The following AGBL4 variants were observed in gnomAD, a reference collection of about 807,000 sequenced individuals.
AGBL4 encodes the protein cytosolic carboxypeptidase 6.
Under a neutral mutation model 66.4 loss-of-function variants are expected in AGBL4, and 58 were observed. That is an observed-to-expected ratio of 0.87 (90% CI 0.71 to 1.09). AGBL4 has a LOEUF of 1.09. Ranked by LOEUF, AGBL4 falls within the 50% of genes least tolerant of loss-of-function variation. The probability of loss-of-function intolerance (pLI) is 0.00; values close to 1 mark genes in which losing one functional copy is unlikely to be tolerated. For synonymous variants in AGBL4, 234 were observed against 222.9 expected (o/e 1.05, Z -0.44); for missense variants, 579 against 631.0 (o/e 0.92, Z 0.88).
At chr1:49,634,852 G>A (rs866137520) in intron 3 of AGBL4, among the ~76,000 whole-genome samples, 1 of 152,156 alleles carries the variant, frequency 6.6e-6, no homozygotes, top group Non-Finnish European at 1.5e-5. Context: ...GCAGTCCAAT[G>A]TTCCTACTGC....
intron 1 of AGBL4, among the ~76,000 whole-genome samples, chr1:49,928,636 G>C (rs1653031192): frequency 6.6e-6 from 1 of 152,128 alleles, no homozygotes; most frequent in Non-Finnish European, 1.5e-5. Flanking sequence ...TACCATATTT[G>C]ATGAAAACTA....
chr1:49,134,610 C>T (rs1645971680), intron 4 of AGBL4, among the ~76,000 whole-genome samples: 1 of 151,772 alleles, frequency 6.6e-6, no homozygotes, highest in African/African-American at 2.4e-5. Context: ...TCTGTCCTGC[C>T]TGGCTCCCAG....
intron 3 of AGBL4, among the ~76,000 whole-genome samples, chr1:49,340,368 T>C (rs1211916571): frequency 6.6e-6 from 1 of 152,180 alleles, no homozygotes. Context: ...ATAGCCCTTT[T>C]CCTTCACTAT....
At chr1:48,976,808 T>C (rs1188132990) in intron 5 of AGBL4, among the ~76,000 whole-genome samples, 1 of 152,070 alleles carries the variant, frequency 6.6e-6, no homozygotes, top group Non-Finnish European at 1.5e-5. Context: ...AACTCCAATA[T>C]CCCCTACTTT....
chr1:49,792,178 G>C (rs957614457), intron 2 of AGBL4, among the ~76,000 whole-genome samples: 7 of 152,018 alleles, frequency 4.6e-5, no homozygotes, highest in African/African-American at 9.7e-5. Flanking sequence ...TATAGTTTGA[G>C]AGAATTCCCA....
At chr1:49,141,625 G>C (rs1219703615) in intron 4 of AGBL4, among the ~76,000 whole-genome samples, 6 of 152,172 alleles carry the variant, frequency 3.9e-5, no homozygotes, top group Non-Finnish European at 7.3e-5. Flanking sequence ...GAAGAGGCTA[G>C]TGTGGCTAGA....
At chr1:49,091,557 G>C (rs1192423064) in intron 4 of AGBL4, among the ~76,000 whole-genome samples, 3 of 152,016 alleles carry the variant, frequency 2.0e-5, no homozygotes, top group African/African-American at 7.2e-5. Context: ...TGCAGAGAAA[G>C]GGAAATCCTT....
intron 3 of AGBL4, among the ~76,000 whole-genome samples, chr1:49,476,844 G>A (rs1399788064): frequency 6.6e-6 from 1 of 152,042 alleles, no homozygotes; most frequent in Non-Finnish European, 1.5e-5. Flanking sequence ...ACACTGAAAG[G>A]TGAATCCCAG....
At chr1:48,809,536 C>T (rs1207171181) in intron 6 of AGBL4, among the ~76,000 whole-genome samples, 2 of 152,138 alleles carry the variant, frequency 1.3e-5, no homozygotes, top group African/African-American at 4.8e-5. Context: ...CCTTTCTGAG[C>T]TTACATACAA....
At chr1:49,253,046 C>A (rs1652194262) in intron 3 of AGBL4, among the ~76,000 whole-genome samples, 1 of 152,072 alleles carries the variant, frequency 6.6e-6, no homozygotes, top group African/African-American at 2.4e-5. Flanking sequence ...GGATCAAATC[C>A]ACACATATCA....
At chr1:49,763,043 T>C (rs2147866047) in intron 2 of AGBL4, among the ~76,000 whole-genome samples, 1 of 152,330 alleles carries the variant, frequency 6.6e-6, no homozygotes, top group South Asian at 2.1e-4. Context: ...TTTAATCCAT[T>C]TTGATTTGAT....
rs530621763 is a variant in AGBL4 at position 48,560,091 on chromosome 1, C to T, written c.1268-20353G>A. Among the ~76,000 whole-genome samples, 10 of 152,318 alleles carry T rather than the reference C, an allele frequency of 6.6e-5. No homozygotes were observed. In the South Asian group the frequency reaches 2.1e-3, roughly 32 times the overall value. ...TGAAACTTGTCCCTAGGACCCCTAT[C>T]CCCTCCTCTGAACTCGGAACCTCTT... On this transcript the variant is annotated intron_variant, in intron 11 of 13. Coordinates refer to ENST00000371839, the MANE Select transcript of AGBL4 (RefSeq NM_032785.4).
intron 2 of AGBL4, among the ~76,000 whole-genome samples, chr1:49,774,967 T>A (rs1284056220): frequency 6.6e-6 from 1 of 152,070 alleles, no homozygotes; most frequent in Non-Finnish European, 1.5e-5. Flanking sequence ...AAATTAGAAA[T>A]AACCTAAATG....
At chr1:48,882,160 T>A (rs1649855787) in intron 5 of AGBL4, among the ~76,000 whole-genome samples, 1 of 152,146 alleles carries the variant, frequency 6.6e-6, no homozygotes, top group Admixed American at 6.5e-5. Context: ...TACTACTCAG[T>A]CTTTATGTCA....
intron 5 of AGBL4, among the ~76,000 whole-genome samples, chr1:48,962,584 G>A (rs543979520): frequency 6.6e-6 from 1 of 152,186 alleles, no homozygotes; most frequent in East Asian, 1.9e-4. Flanking sequence ...AGTTCTTTGG[G>A]ACCTGGGGTC....
chr1:49,948,118 G>GTAAATATATA (rs1324543032), intron 1 of AGBL4, among the ~76,000 whole-genome samples: 4 of 76,366 alleles, frequency 5.2e-5, no homozygotes, highest in Admixed American at 2.2e-4. Context: ...GTAAATGTAT[G>GTAAATATATA]TAAATATATA....
At chr1:48,801,146 G>A (rs1645797089) in intron 6 of AGBL4, among the ~76,000 whole-genome samples, 1 of 152,170 alleles carries the variant, frequency 6.6e-6, no homozygotes, top group East Asian at 1.9e-4. Flanking sequence ...CAGCCAGCAA[G>A]GCCAATCTGA....
intron 3 of AGBL4, among the ~76,000 whole-genome samples, chr1:49,372,619 CTTTCTTTCTTTCTT>C: frequency 1.8e-5 from 1 of 56,972 alleles, no homozygotes; most frequent in South Asian, 5.4e-4. Flanking sequence ...TTCTTTCTTT[CTTTCTTTCTTTCTT>C]TCTTTCTTTC....
intron 3 of AGBL4, among the ~76,000 whole-genome samples, chr1:49,270,509 A>G (rs1045162335): frequency 5.9e-5 from 9 of 151,936 alleles, no homozygotes; most frequent in African/African-American, 1.9e-4. Context: ...GAGGCTCTAC[A>G]TGGTGTTACA....
Sources: allele counts gnomAD v4.1 joint callset (sites outside exome capture counted in the v4.1 genomes callset), GRCh38; gene constraint gnomAD v4.1.1; transcripts MANE v1.5; gene names NCBI Gene and HGNC (gene_info 2026-07-23, HGNC 2026-07-21).